The following REV1 variants were observed in gnomAD, a reference collection of about 807,000 sequenced individuals.
REV1 encodes translesion synthesis protein REV1.
In REV1, 42 loss-of-function variants were observed where a neutral mutation model predicts 137.4. The observed-to-expected ratio is 0.31, with a 90% CI of 0.24 to 0.40. REV1 has a LOEUF of 0.40. REV1 is among the 10% of genes least tolerant of loss of function. The pLI is 1.00. For missense variants in REV1, 1,282 were observed against 1,490.1 expected (o/e 0.86, Z 2.30); for synonymous variants, 524 against 519.2 (o/e 1.01, Z -0.12).
chr2:99,453,434 G>T (rs1442869805), intron 3 of REV1, among the ~76,000 whole-genome samples: 1 of 151,740 alleles, frequency 6.6e-6, no homozygotes, highest in Non-Finnish European at 1.5e-5. Context: ...CCCCAAACCG[G>T]GAAGCAAGAA....
At chr2:99,418,498 A>G (rs1678195649) in intron 12 of REV1, among the ~76,000 whole-genome samples, 1 of 152,346 alleles carries the variant, frequency 6.6e-6, no homozygotes, top group South Asian at 2.1e-4. Context: ...CCAGGAGTAA[A>G]CTATTTCAAT....
rs1316141612 is a variant in REV1 at position 99,401,209 on chromosome 2, C to G, written c.*32G>C. On this transcript the variant is annotated 3_prime_UTR_variant, in exon 23 of 23. Coordinates refer to ENST00000258428, the MANE Select transcript of REV1 (RefSeq NM_016316.4). Reference sequence around the variant, plus strand: ...TACCTCACAAGCACTTATGGCACAGCTATCAGAGAGCATCAGGCTCTCTGG... The same window carrying G: ...TACCTCACAAGCACTTATGGCACAGGTATCAGAGAGCATCAGGCTCTCTGG... The G allele has an allele frequency of 7.6e-7, 1 of 1,312,498 alleles. No individual in the cohort carries two copies. Among genetic ancestry groups the G allele is most frequent in the Non-Finnish European group, 1.1e-6 (1 of 905,832 alleles). The allele number at this position is 1,312,498 out of a possible 1,614,324, so 81.3% of individuals were successfully genotyped here. A position where few individuals can be genotyped will look rare whatever the true frequency, so the allele number is the denominator to read the frequency against.
At chr2:99,449,540 A>C (rs1419945510) in intron 3 of REV1, 36 bp from the exon 4 acceptor site, 22 of 1,162,938 alleles carry the variant, frequency 1.9e-5, no homozygotes, top group Non-Finnish European at 2.5e-5. Flanking sequence ...TAAGAGTCTT[A>C]TGTGTAAGAA....
chr2:99,481,381 T>C (rs1055623451), intron 1 of REV1, among the ~76,000 whole-genome samples: 1 of 152,180 alleles, frequency 6.6e-6, no homozygotes, highest in Non-Finnish European at 1.5e-5. Context: ...TTAAATTATA[T>C]TGTATCAATA....
intron 1 of REV1, among the ~76,000 whole-genome samples, chr2:99,467,841 T>C (rs1176660942): frequency 6.6e-6 from 1 of 151,746 alleles, no homozygotes; most frequent in African/African-American, 2.4e-5. Flanking sequence ...AAGTCAGGAG[T>C]TGGAGACCAG....
At chr2:99,478,930 G>A (rs1686275495) in intron 1 of REV1, among the ~76,000 whole-genome samples, 1 of 152,162 alleles carries the variant, frequency 6.6e-6, no homozygotes, top group East Asian at 1.9e-4. Context: ...CAGTGGTAAC[G>A]AGAAAGGTTA....
intron 8 of REV1, among the ~76,000 whole-genome samples, chr2:99,430,167 T>C (rs1192608454): frequency 6.6e-6 from 1 of 152,006 alleles, no homozygotes; most frequent in Non-Finnish European, 1.5e-5. Flanking sequence ...TATAATAAAT[T>C]CAAAGTGTCC....
rs190308707 is a variant in REV1 at position 99,474,635 on chromosome 2, C to T, written c.-10-9650G>A. 2.0e-3 allele frequency among the ~76,000 whole-genome samples: 312 copies of T among 152,312 alleles called. 1 individual carries two copies. The highest frequency in any genetic ancestry group is 7.1e-3 in the South Asian group (34 of 4,822). ...GATAAGCAGAAGTCGGGAGCGATGG[C>T]TCACGCCTGTAATTCCAGCACTTTG... On this transcript the variant is annotated intron_variant, in intron 1 of 22. Coordinates refer to ENST00000258428, the MANE Select transcript of REV1 (RefSeq NM_016316.4).
intron 1 of REV1, among the ~76,000 whole-genome samples, chr2:99,468,738 T>C (rs1479801819): frequency 6.6e-6 from 1 of 152,180 alleles, no homozygotes; most frequent in Non-Finnish European, 1.5e-5. Flanking sequence ...AAAAAATTAG[T>C]TTAAAAAACG....
intron 9 of REV1, among the ~76,000 whole-genome samples, chr2:99,428,687 T>G (rs1679687595): frequency 1.3e-5 from 2 of 152,150 alleles, no homozygotes; most frequent in Admixed American, 6.5e-5. Flanking sequence ...GCCACAACTC[T>G]GAATCAAGAC....
Position 99,438,962 on chromosome 2 carries a change from T to G in REV1, c.852A>C (p.Arg284Ser). The G allele has an allele frequency of 6.2e-7, 1 of 1,614,224 alleles. No individual in the cohort carries two copies. The highest frequency in any genetic ancestry group is 8.5e-7 in the Non-Finnish European group (1 of 1,180,006). ...GTGGATTCCGCAAAGCATCTGTGTT[T>G]CTGGTGCTTTGCTGCAACTGCTGCA... ...CTLQQLQQST[R>S]NTDALRNPHR... is the part of the protein sequence containing the mutation. The change falls in exon 6 of 23, where the codon AGA (arginine) becomes AGC (serine). Residue 284 changes from arginine (R) to serine (S), a missense_variant. Coordinates refer to ENST00000258428, the MANE Select transcript of REV1 (RefSeq NM_016316.4).
At chr2:99,467,889 T>C (rs944593639) in intron 1 of REV1, among the ~76,000 whole-genome samples, 25 of 151,180 alleles carry the variant, frequency 1.7e-4, no homozygotes, top group Admixed American at 1.5e-3. Context: ...CTATTAAAAA[T>C]ACAAAAGATT....
Position 99,435,899 on chromosome 2 carries a change from A to G in REV1, c.1256T>C (p.Ile419Thr). ...VLNSPRHQSC[I>T]MHVDMDCFFV... ...GAAGCAATCCATATCAACATGCATT[A>G]TACAGCTCTGATGTCTGGGAGAATT... The change falls in exon 7 of 23, where the codon ATA becomes ACA. Residue 419 changes from isoleucine (I) to threonine (T), a missense_variant. Coordinates refer to ENST00000258428, the MANE Select transcript of REV1 (RefSeq NM_016316.4). 1 of 1,609,102 alleles carries G rather than the reference A, an allele frequency of 6.2e-7. No individual in the cohort carries two copies. The highest frequency in any genetic ancestry group is 2.2e-5 in the East Asian group (1 of 44,708).
chr2:99,428,715 G>A (rs28382911), intron 9 of REV1, among the ~76,000 whole-genome samples: 18 of 152,284 alleles, frequency 1.2e-4, no homozygotes, highest in Middle Eastern at 3.4e-3. Flanking sequence ...ATGTAACTAG[G>A]CCAGGCACAG....
At chr2:99,447,616 T>C (rs1207218216) in intron 4 of REV1, among the ~76,000 whole-genome samples, 1 of 152,256 alleles carries the variant, frequency 6.6e-6, no homozygotes, top group Non-Finnish European at 1.5e-5. Flanking sequence ...CTGCACCAGG[T>C]TGTATGGACA....
intron 1 of REV1, among the ~76,000 whole-genome samples, chr2:99,465,328 T>C (rs922371459): frequency 2.0e-5 from 3 of 152,220 alleles, no homozygotes; most frequent in Non-Finnish European, 4.4e-5. Flanking sequence ...GTTACCATTA[T>C]ATAAGACAAT....
rs1438942431 is a variant in REV1 at position 99,402,929 on chromosome 2, C to A, written c.3344G>T (p.Gly1115Val). ...AGGAGGTCCTTCATGTTTTAGAAACCCATCAATTAACTTCTGGGGACTGCC... is the reference window on the plus strand; with the variant it reads ...AGGAGGTCCTTCATGTTTTAGAAACACATCAATTAACTTCTGGGGACTGCC... ...ACGSPQKLID[G>V]FLKHEGPPAE... Residue 1115 changes from glycine (G) to valine (V), a missense_variant, in exon 20 of 23, where the codon GGG becomes GTG. Physicochemically the swap from Gly to Val is moderately radical, Grantham distance 109. Transcript: ENST00000258428. 1 of 1,614,066 alleles carries A rather than the reference C, an allele frequency of 6.2e-7. No homozygotes were observed. Among genetic ancestry groups the A allele is most frequent in the Admixed American group, 1.7e-5 (1 of 60,006 alleles).
intron 1 of REV1, among the ~76,000 whole-genome samples, chr2:99,485,960 A>G (rs1325541025): frequency 6.6e-6 from 1 of 152,166 alleles, no homozygotes; most frequent in African/African-American, 2.4e-5. Context: ...CCCCATCTTT[A>G]CAAAACATTA....
intron 2 of REV1, 79 bp from the exon 3 acceptor site, chr2:99,462,701 A>C (rs890553395): frequency 4.3e-6 from 6 of 1,405,684 alleles, no homozygotes; most frequent in Non-Finnish European, 5.9e-6. Flanking sequence ...AATTTTAAAA[A>C]CTAAATAAAT....
Sources: gnomAD v4.1 joint callset for allele counts (sites outside exome capture counted in the v4.1 genomes callset) on GRCh38, gnomAD v4.1.1 for gene constraint, MANE v1.5 for transcripts, NCBI Gene and HGNC (gene_info 2026-07-23, HGNC 2026-07-21) for gene names.